The following ADAM2 variants were observed in gnomAD, a reference collection of about 807,000 sequenced individuals.
ADAM2 encodes the protein ADAM metallopeptidase domain 2, also known as disintegrin and metalloproteinase domain-containing protein 2.
In ADAM2, 101 loss-of-function variants were observed where a neutral mutation model predicts 99.3. The ratio of observed to expected loss-of-function variants is 1.02; its 90% CI spans 0.87 to 1.20. The LOEUF (loss-of-function observed/expected upper bound fraction) is 1.20, where lower values mean the gene tolerates loss of function less well. Ranked by LOEUF, ADAM2 falls within the 50% of genes most tolerant of loss-of-function variation. The pLI, the probability that ADAM2 is intolerant of heterozygous loss-of-function variation, is 0.00. For synonymous variants in ADAM2, 323 were observed against 287.6 expected, an observed-to-expected ratio of 1.12 and a Z score of -1.25; for missense variants, 948 against 878.7, an observed-to-expected ratio of 1.08 and a Z score of -1.00.
chr8:39,826,531 G>A (rs1227690987), intron 3 of ADAM2, among the ~76,000 whole-genome samples: 1 of 152,006 alleles, frequency 6.6e-6, no homozygotes, highest in African/African-American at 2.4e-5. Flanking sequence ...AGACCATCCT[G>A]GCTAAAATGG....
intron 3 of ADAM2, among the ~76,000 whole-genome samples, chr8:39,832,798 C>A (rs1191421099): frequency 6.7e-6 from 1 of 149,866 alleles, no homozygotes; most frequent in Non-Finnish European, 1.5e-5. Flanking sequence ...TCTTAAGTAC[C>A]TTTTCACCGC....
At position 39,755,869 on chromosome 8, in the gene ADAM2, T is replaced by C. The variant is rs772508519; in HGVS notation, c.1656A>G (p.Lys552=). 7 of 1,583,248 alleles carry C rather than the reference T, an allele frequency of 4.4e-6. No individual in the cohort carries two copies. In the South Asian group the frequency reaches 5.6e-5, roughly 13 times the overall value. Residue 552 remains lysine, a synonymous_variant, in exon 16 of 21, where the codon AAA becomes AAG. Coordinates refer to ENST00000265708, the MANE Select transcript of ADAM2 (RefSeq NM_001464.5). ...TGGCTCTTGGAATTTGTAATAAAAA[T>C]TTACCTACATATTTACATATTAATT... is the stretch of plus-strand genomic sequence containing the variant. ...CGKLICKYVG[K]FLLQIPRATI...
intron 7 of ADAM2, among the ~76,000 whole-genome samples, chr8:39,802,244 C>T (rs897756474): frequency 3.9e-5 from 6 of 152,246 alleles, no homozygotes; most frequent in African/African-American, 7.2e-5. Flanking sequence ...CTTCCCCGTG[C>T]GGCTCTCAGG....
Position 39,769,397 on chromosome 8 carries a change from C to G in ADAM2, c.1207G>C (p.Glu403Gln). The stretch of plus-strand genomic sequence containing the variant: ...TCTTCCGAATTAGTACCAACCTGTT[C>G]AGTCCCACAGTCACACTCCTCTCCT... ...EAGEECDCGT[E>Q]QDCALIGETC... Residue 403 changes from glutamate (E) to glutamine (Q), a missense_variant, in exon 12 of 21, where the codon GAA (glutamate) becomes CAA (glutamine). Coordinates refer to ENST00000265708, the MANE Select transcript of ADAM2 (RefSeq NM_001464.5). 1 of 1,612,608 alleles carries G rather than the reference C, an allele frequency of 6.2e-7. No homozygotes were observed. The highest frequency in any genetic ancestry group is 8.5e-7 in the Non-Finnish European group (1 of 1,179,084).
intron 13 of ADAM2, 38 bp from the exon 14 acceptor site, chr8:39,767,081 A>G (rs955886218): frequency 1.9e-6 from 3 of 1,603,238 alleles, no homozygotes; most frequent in Non-Finnish European, 2.6e-6. Context: ...ATTAAGCAGA[A>G]TGAGAATACA....
At chr8:39,807,538 A>G (rs543530824) in intron 7 of ADAM2, among the ~76,000 whole-genome samples, 1 of 152,106 alleles carries the variant, frequency 6.6e-6, no homozygotes, top group Non-Finnish European at 1.5e-5. Flanking sequence ...TGGAAATGGT[A>G]TCTTTGGGAT....
Position 39,808,108 on chromosome 8 carries a change from A to G in ADAM2, c.570+1302T>C, listed in dbSNP as rs557881112. ...AAGACAATATTGCAAGAAAATAAAT[A>G]AAAAGGCTTCACATTGGAAAGGCTA... On this transcript the variant is annotated intron_variant, in intron 7 of 20. Coordinates refer to ENST00000265708, the MANE Select transcript of ADAM2 (RefSeq NM_001464.5). Among the ~76,000 whole-genome samples, 34 of 152,266 alleles carry G rather than the reference A, an allele frequency of 2.2e-4. No homozygotes were observed. In the South Asian group the frequency reaches 7.1e-3, roughly 32 times the overall value.
Position 39,838,208 on chromosome 8 carries a change from C to T in ADAM2, c.-23G>A. The T allele has an allele frequency of 6.2e-7, 1 of 1,613,994 alleles. No individual in the cohort carries two copies. Among genetic ancestry groups the T allele is most frequent in the Non-Finnish European group, 8.5e-7 (1 of 1,179,946 alleles). On this transcript the variant is annotated 5_prime_UTR_variant, in exon 1 of 21. Transcript: ENST00000265708. ...CATGGCTTGAAGTCCTGGGTCCCAGCCGGAATAATGGCAGTTGGTGGTTAC... is the reference window on the plus strand; with the variant it reads ...CATGGCTTGAAGTCCTGGGTCCCAGTCGGAATAATGGCAGTTGGTGGTTAC...
At chr8:39,828,580 A>T (rs552691843) in intron 3 of ADAM2, among the ~76,000 whole-genome samples, 1 of 151,900 alleles carries the variant, frequency 6.6e-6, no homozygotes. Context: ...AATTTAAACA[A>T]TCAAGAAGAG....
At position 39,791,234 on chromosome 8, in the gene ADAM2, A is replaced by C. The variant is rs566136480; in HGVS notation, c.571-2494T>G. Among the ~76,000 whole-genome samples the C allele has an allele frequency of 1.5e-3, 231 of 152,110 alleles. 1 individual carries two copies. Among genetic ancestry groups the C allele is most frequent in the Admixed American group, 2.8e-3 (43 of 15,232 alleles). On this transcript the variant is annotated intron_variant, in intron 7 of 20. Transcript: ENST00000265708. ...AACAGAACATTCTCAGTAACCAATCAAAAGGGGCCCAGTTAATCTAAGTTA... is the reference window on the plus strand; with the variant it reads ...AACAGAACATTCTCAGTAACCAATCCAAAGGGGCCCAGTTAATCTAAGTTA...
chr8:39,810,145 A>G (rs774040401), intron 6 of ADAM2, among the ~76,000 whole-genome samples: 4 of 152,212 alleles, frequency 2.6e-5, no homozygotes, highest in Non-Finnish European at 5.9e-5. Flanking sequence ...CTAGTCTCTG[A>G]TAAAACAGAC....
intron 7 of ADAM2, among the ~76,000 whole-genome samples, chr8:39,797,709 CCT>C (rs889479051): frequency 3.3e-5 from 5 of 151,986 alleles, no homozygotes; most frequent in Non-Finnish European, 5.9e-5. Context: ...TTGTTTGTGT[CCT>C]CTTTTATTTC....
intron 3 of ADAM2, among the ~76,000 whole-genome samples, chr8:39,825,615 C>G (rs1303145887): frequency 6.6e-6 from 1 of 150,652 alleles, no homozygotes; most frequent in Admixed American, 6.6e-5. Context: ...ATAAATATAT[C>G]ATCAAAAGAA....
At chr8:39,761,111 T>C (rs1428534113) in intron 15 of ADAM2, 65 bp downstream of exon 15, 1 of 1,012,758 alleles carries the variant, frequency 9.9e-7, no homozygotes, top group African/African-American at 1.6e-5. Flanking sequence ...AACTTAATTG[T>C]TTGATGGTAT....
At position 39,755,858 on chromosome 8, in the gene ADAM2, T is replaced by C; in HGVS notation, c.1667A>G (p.Gln556Arg). The change falls in exon 16 of 21, where the codon CAA becomes CGA. Residue 556 changes from glutamine (Q) to arginine (R), a missense_variant. Transcript: ENST00000265708. ...ATAAATAATAGTGGCTCTTGGAATT[T>C]GTAATAAAAATTTACCTACATATTT... ...ICKYVGKFLL[Q>R]IPRATIIYAN... is the part of the protein sequence containing the mutation. The C allele has an allele frequency of 6.3e-7, 1 of 1,597,200 alleles. No individual in the cohort carries two copies. The highest frequency in any genetic ancestry group is 1.3e-5 in the African/African-American group (1 of 74,636).
intron 7 of ADAM2, among the ~76,000 whole-genome samples, chr8:39,795,998 T>C (rs1237544827): frequency 6.6e-6 from 1 of 152,030 alleles, no homozygotes; most frequent in Non-Finnish European, 1.5e-5. Flanking sequence ...GGGGAAGCTG[T>C]AGAGAGAAAA....
intron 11 of ADAM2, 56 bp from the exon 12 acceptor site, chr8:39,769,631 C>T: frequency 6.5e-6 from 8 of 1,234,420 alleles, no homozygotes; most frequent in African/African-American, 1.5e-5. Context: ...AACTACCTAC[C>T]CTTAGAATAA....
Position 39,808,189 on chromosome 8 carries a change from TACACAC to T in ADAM2, c.570+1215_570+1220del, listed in dbSNP as rs144114156. 6.9e-3 allele frequency among the ~76,000 whole-genome samples: 1,009 copies of T among 146,084 alleles called. 18 individuals carry two copies. The highest frequency in any genetic ancestry group is 0.023 in the African/African-American group (924 of 39,720). On this transcript the variant is annotated intron_variant, in intron 7 of 20. Coordinates refer to ENST00000265708, the MANE Select transcript of ADAM2 (RefSeq NM_001464.5). ...CCTGTATGCAGAAAGTCCTAAGGAA[TACACAC>T]ACACACACACACACACACACACACA...
At chr8:39,768,451 G>A (rs906356591) in intron 12 of ADAM2, among the ~76,000 whole-genome samples, 15 of 151,940 alleles carry the variant, frequency 9.9e-5, no homozygotes, top group Admixed American at 8.5e-4. Context: ...CTTTATCTCT[G>A]CTCTCCTCAC....
Sources: gnomAD v4.1 joint callset for allele counts (sites outside exome capture counted in the v4.1 genomes callset) on GRCh38, gnomAD v4.1.1 for gene constraint, MANE v1.5 for transcripts, NCBI Gene and HGNC (gene_info 2026-07-23, HGNC 2026-07-21) for gene names.